Variants in GPC5 observed in about 807,000 individuals in gnomAD.
GPC5 encodes glypican 5, also known as glypican-5.
A neutral mutation model predicts 53.9 loss-of-function variants in GPC5; 47 were observed. The observed-to-expected ratio is 0.87, with a 90% CI of 0.69 to 1.11. The LOEUF is 1.11. Among genes scored for constraint, GPC5 ranks in the 50% most tolerant of loss-of-function variants. GPC5 has a pLI of 0.00. For missense variants in GPC5, 748 were observed against 713.1 expected (o/e 1.05, Z -0.56); for synonymous variants, 286 against 263.3 (o/e 1.09, Z -0.84).
At chr13:92,420,251 ATATAC>A (rs1191596173) in intron 7 of GPC5, among the ~76,000 whole-genome samples, 2 of 152,230 alleles carry the variant, frequency 1.3e-5, no homozygotes, top group Non-Finnish European at 2.9e-5. Flanking sequence ...TCAAGCCAAA[ATATAC>A]TCAGTATCCA....
chr13:91,995,045 C>G (rs910691037), intron 6 of GPC5: 10 of 152,106 alleles, frequency 6.6e-5, no homozygotes, highest in African/African-American at 2.2e-4. Flanking sequence ...AATCTCGGCT[C>G]ACTGCAAGAT....
At chr13:92,309,236 G>T (rs2043130491) in intron 7 of GPC5, among the ~76,000 whole-genome samples, 1 of 152,038 alleles carries the variant, frequency 6.6e-6, no homozygotes, top group Admixed American at 6.6e-5. Context: ...CGCAATGATT[G>T]AGGAAGCAAA....
intron 7 of GPC5, among the ~76,000 whole-genome samples, chr13:92,794,762 C>T (rs984665669): frequency 2.6e-5 from 4 of 152,098 alleles, no homozygotes; most frequent in African/African-American, 9.7e-5. Flanking sequence ...AGAACCAAAT[C>T]ATGAGTGAAC....
intron 7 of GPC5, among the ~76,000 whole-genome samples, chr13:92,185,800 C>A (rs2042179899): frequency 6.6e-6 from 1 of 152,004 alleles, no homozygotes; most frequent in Admixed American, 6.6e-5. Context: ...GATTGATTCC[C>A]ATGTAAATGA....
At chr13:92,601,573 A>T (rs1440668339) in intron 7 of GPC5, among the ~76,000 whole-genome samples, 3 of 151,254 alleles carry the variant, frequency 2.0e-5, no homozygotes, top group Non-Finnish European at 3.0e-5. Flanking sequence ...AAAAAAAAAA[A>T]AAAAGAAGAA....
intron 7 of GPC5, among the ~76,000 whole-genome samples, chr13:92,585,639 G>A (rs550624535): frequency 1.3e-5 from 2 of 152,150 alleles, no homozygotes; most frequent in African/African-American, 4.8e-5. Flanking sequence ...GAAATGTGAG[G>A]ACATGAGATT....
At chr13:92,220,112 A>G (rs904630313) in intron 7 of GPC5, among the ~76,000 whole-genome samples, 18 of 152,246 alleles carry the variant, frequency 1.2e-4, no homozygotes, top group African/African-American at 3.9e-4. Context: ...TTACAATTAT[A>G]TAAATATTCA....
At chr13:91,461,724 T>C (rs1039145917) in intron 2 of GPC5, among the ~76,000 whole-genome samples, 2 of 152,082 alleles carry the variant, frequency 1.3e-5, no homozygotes, top group Admixed American at 1.3e-4. Flanking sequence ...GCAGAAGTTG[T>C]CTGATAGCTT....
At position 91,973,295 on chromosome 13, in the gene GPC5, C is replaced by T. The variant is rs559843235; in HGVS notation, c.1401+65238C>T. ...GCTTCTGCATTTTTCACATAGTTCTCGAGCCTTGGCTTTCAGCTCCATCAG... is the reference window on the plus strand; with the variant it reads ...GCTTCTGCATTTTTCACATAGTTCTTGAGCCTTGGCTTTCAGCTCCATCAG... On this transcript the variant is annotated intron_variant, in intron 6 of 7. Coordinates refer to ENST00000377067, the MANE Select transcript of GPC5 (RefSeq NM_004466.6). Among the ~76,000 whole-genome samples, 10 of 152,288 alleles carry T rather than the reference C, an allele frequency of 6.6e-5. No individual in the cohort carries two copies. The East Asian group carries it at 1.5e-3, about 24-fold the overall frequency.
intron 7 of GPC5, among the ~76,000 whole-genome samples, chr13:92,620,490 C>T (rs1884836508): frequency 6.6e-6 from 1 of 152,078 alleles, no homozygotes; most frequent in Admixed American, 6.5e-5. Context: ...AATATAAAGT[C>T]ACTGATGATG....
At chr13:92,208,156 C>T (rs977381177) in intron 7 of GPC5, among the ~76,000 whole-genome samples, 16 of 152,196 alleles carry the variant, frequency 1.1e-4, no homozygotes, top group African/African-American at 3.6e-4. Context: ...CACCTCAAGC[C>T]AGTTCAACAA....
At chr13:92,049,598 A>G (rs2041010740) in intron 6 of GPC5, among the ~76,000 whole-genome samples, 2 of 152,154 alleles carry the variant, frequency 1.3e-5, no homozygotes, top group South Asian at 4.1e-4. Flanking sequence ...GTTCCTTTAC[A>G]ATAGGCAGGG....
At position 91,399,029 on chromosome 13, in the gene GPC5, G is replaced by C; in HGVS notation, c.-18G>C. On this transcript the variant is annotated 5_prime_UTR_variant, in exon 1 of 8. Coordinates refer to ENST00000377067, the MANE Select transcript of GPC5 (RefSeq NM_004466.6). ...GAGTGGGGTCCACTGGCGGGTAAAG[G>C]GGACCAGGACGGCGAGGATGGACGC... The C allele has an allele frequency of 1.3e-6, 2 of 1,538,100 alleles. No homozygotes were observed. Among genetic ancestry groups the C allele is most frequent in the Non-Finnish European group, 1.8e-6 (2 of 1,140,036 alleles).
At chr13:91,877,453 G>A (rs2039216511) in intron 5 of GPC5, among the ~76,000 whole-genome samples, 1 of 152,218 alleles carries the variant, frequency 6.6e-6, no homozygotes. Context: ...GAGACCAGGA[G>A]TCAAAGGAGA....
chr13:91,915,454 G>GGATTGC (rs1468573258), intron 6 of GPC5, among the ~76,000 whole-genome samples: 6 of 152,166 alleles, frequency 3.9e-5, no homozygotes, highest in Middle Eastern at 6.8e-3. Context: ...ATTGGGATTG[G>GGATTGC]CCATTGGTAA....
intron 5 of GPC5, among the ~76,000 whole-genome samples, chr13:91,821,452 C>T (rs1213616213): frequency 6.6e-6 from 1 of 151,954 alleles, no homozygotes. Flanking sequence ...TTTTCTTGTT[C>T]CGTTGTTTTG....
At chr13:91,936,334 A>T (rs1175219207) in intron 6 of GPC5, among the ~76,000 whole-genome samples, 1 of 152,010 alleles carries the variant, frequency 6.6e-6, no homozygotes, top group African/African-American at 2.4e-5. Context: ...GGGTAAGCTG[A>T]ATCACACAGT....
chr13:91,886,757 T>C (rs1465747052), intron 5 of GPC5, among the ~76,000 whole-genome samples: 1 of 152,234 alleles, frequency 6.6e-6, no homozygotes, highest in Non-Finnish European at 1.5e-5. Context: ...TGATCTCCTT[T>C]GGCTTTATGT....
intron 7 of GPC5, among the ~76,000 whole-genome samples, chr13:92,754,906 C>G (rs1279705587): frequency 1.3e-5 from 2 of 149,138 alleles, no homozygotes; most frequent in Non-Finnish European, 3.0e-5. Context: ...CCACTGTCAA[C>G]ATTAGACAGA....
Sources: allele counts gnomAD v4.1 joint callset (sites outside exome capture counted in the v4.1 genomes callset), GRCh38; gene constraint gnomAD v4.1.1; transcripts MANE v1.5; gene names NCBI Gene and HGNC (gene_info 2026-07-23, HGNC 2026-07-21).